The following MUSK variants were observed in gnomAD, a reference collection of about 807,000 sequenced individuals.
The protein encoded by MUSK is muscle, skeletal receptor tyrosine-protein kinase.
In MUSK, 55 loss-of-function variants were observed where a neutral mutation model predicts 88.7. That is an observed-to-expected ratio of 0.62 (90% CI 0.50 to 0.78). MUSK has a LOEUF of 0.78. Ranked by LOEUF, MUSK falls within the 30% of genes least tolerant of loss-of-function variation. MUSK has a pLI of 0.00. For missense variants in MUSK, 1,015 were observed against 1,074.3 expected, an observed-to-expected ratio of 0.94 and a Z score of 0.77; for synonymous variants, 387 against 391.9, an observed-to-expected ratio of 0.99 and a Z score of 0.15.
intron 1 of MUSK, among the ~76,000 whole-genome samples, chr9:110,680,719 TG>T (rs1428251069): frequency 6.6e-6 from 1 of 151,410 alleles, no homozygotes; most frequent in Non-Finnish European, 1.5e-5. Context: ...TGTCATTTGG[TG>T]GGTACTTTCG....
chr9:110,785,785 T>A, intron 13 of MUSK, 67 bp downstream of exon 13: 1 of 1,106,762 alleles, frequency 9.0e-7, no homozygotes. Context: ...ACCAAACTAT[T>A]AGCTTGGTAT....
In MUSK at chr9:110,800,712, C is replaced by T. The variant is rs1209023952; in HGVS notation, c.2334C>T (p.Arg778=). The T allele has an allele frequency of 6.2e-7, 1 of 1,613,914 alleles. No homozygotes were observed. Among genetic ancestry groups the T allele is most frequent in the African/African-American group, 1.3e-5 (1 of 74,930 alleles). Residue 778 remains arginine (R), a synonymous_variant, in exon 15 of 15, where the codon CGC becomes CGT. Transcript: ENST00000374448. ...WMPPESIFYN[R]YTTESDVWAY... ...CACCAGAGTCCATTTTTTATAACCGCTACACTACAGAGTCTGATGTGTGGG... is the reference window on the plus strand; with the variant it reads ...CACCAGAGTCCATTTTTTATAACCGTTACACTACAGAGTCTGATGTGTGGG...
chr9:110,797,735 G>A (rs954713487), intron 14 of MUSK, among the ~76,000 whole-genome samples: 5 of 152,038 alleles, frequency 3.3e-5, no homozygotes, highest in African/African-American at 1.2e-4. Flanking sequence ...ACAAAAATCT[G>A]AATCTGGCTT....
intron 14 of MUSK, among the ~76,000 whole-genome samples, chr9:110,788,310 A>C (rs751268750): frequency 2.0e-5 from 3 of 152,200 alleles, no homozygotes; most frequent in Non-Finnish European, 4.4e-5. Flanking sequence ...TGTATTAATT[A>C]CACAGCAATT....
chr9:110,781,540 T>G (rs1432364154), intron 11 of MUSK, among the ~76,000 whole-genome samples: 1 of 152,196 alleles, frequency 6.6e-6, no homozygotes, highest in African/African-American at 2.4e-5. Flanking sequence ...CCTCCCAAAG[T>G]GCTGGGATTA....
At chr9:110,738,256 T>C (rs2077053319) in intron 6 of MUSK, among the ~76,000 whole-genome samples, 1 of 150,790 alleles carries the variant, frequency 6.6e-6, no homozygotes, top group South Asian at 2.1e-4. Context: ...TTCTTAATTT[T>C]GTATTTATCT....
In MUSK at chr9:110,788,259, C is replaced by A. The variant is rs374982943; in HGVS notation, c.1927+421C>A. On this transcript the variant is annotated intron_variant, in intron 14 of 14. Coordinates refer to ENST00000374448, the MANE Select transcript of MUSK (RefSeq NM_005592.4). The stretch of plus-strand genomic sequence containing the variant: ...TCATTGTTGAGTTCCAGTTTATTCC[C>A]AGATTCATAAATTCAACACAAATTT... 1.3e-4 allele frequency among the ~76,000 whole-genome samples: 20 copies of A among 152,150 alleles called. No individual in the cohort carries two copies. In the East Asian group the frequency reaches 3.9e-3, roughly 29 times the overall value.
chr9:110,759,771 A>G (rs1386884843), intron 7 of MUSK, among the ~76,000 whole-genome samples: 1 of 152,250 alleles, frequency 6.6e-6, no homozygotes, highest in Admixed American at 6.5e-5. Flanking sequence ...CCACAATGAG[A>G]TACCATGTCA....
intron 5 of MUSK, among the ~76,000 whole-genome samples, chr9:110,726,713 A>G (rs1216846886): frequency 6.6e-6 from 1 of 152,102 alleles, no homozygotes; most frequent in Non-Finnish European, 1.5e-5. Context: ...CTTGGCTGAT[A>G]AAGGAAATAG....
At chr9:110,701,251 G>A (rs908751072) in intron 5 of MUSK, among the ~76,000 whole-genome samples, 68 of 152,266 alleles carry the variant, frequency 4.5e-4, no homozygotes, top group African/African-American at 1.6e-3. Context: ...AATCCACATG[G>A]TTGCAGGGTT....
At chr9:110,670,675 C>A (rs998219119) in intron 1 of MUSK, among the ~76,000 whole-genome samples, 3 of 152,082 alleles carry the variant, frequency 2.0e-5, no homozygotes, top group Non-Finnish European at 4.4e-5. Flanking sequence ...AATAAACTAA[C>A]CAGATCATTC....
intron 1 of MUSK, among the ~76,000 whole-genome samples, chr9:110,681,428 C>T (rs1257711763): frequency 1.3e-5 from 2 of 151,444 alleles, no homozygotes; most frequent in African/African-American, 2.4e-5. Flanking sequence ...AAAACATGAT[C>T]CCTGACCTAA....
chr9:110,728,838 T>C (rs759246179), intron 5 of MUSK: 43 of 707,406 alleles, frequency 6.1e-5, no homozygotes, highest in Non-Finnish European at 9.1e-5. Context: ...AAACAATGTA[T>C]GGGGAATATT....
At chr9:110,723,230 T>TACACACACACACACACAC (rs1391888387) in intron 5 of MUSK, among the ~76,000 whole-genome samples, 1 of 56,946 alleles carries the variant, frequency 1.8e-5, no homozygotes, top group Non-Finnish European at 3.9e-5. Flanking sequence ...CTACTACATA[T>TACACACACACACACACAC]ACATACACAC....
At chr9:110,689,938 A>ATATATATTTAAATATAAATATATATT (rs1397675530) in intron 3 of MUSK, among the ~76,000 whole-genome samples, 1,044 of 93,308 alleles carry the variant, frequency 0.011, 81 homozygotes, top group African/African-American at 0.05. Flanking sequence ...TAATATATAA[A>ATATATATTTAAATATAAATATATATT]TATATATTTA....
At chr9:110,720,496 G>T (rs1310792445) in intron 5 of MUSK, among the ~76,000 whole-genome samples, 1 of 151,952 alleles carries the variant, frequency 6.6e-6, no homozygotes, top group Non-Finnish European at 1.5e-5. Flanking sequence ...ACCTAGAGGA[G>T]ATGGATAAAC....
intron 7 of MUSK, among the ~76,000 whole-genome samples, chr9:110,759,618 T>TA (rs2077371310): frequency 6.6e-6 from 1 of 151,850 alleles, no homozygotes; most frequent in African/African-American, 2.4e-5. Flanking sequence ...AAATTATACA[T>TA]ACAAGGAAAA....
intron 7 of MUSK, among the ~76,000 whole-genome samples, chr9:110,754,064 G>A (rs901141911): frequency 6.6e-6 from 1 of 152,186 alleles, no homozygotes; most frequent in African/African-American, 2.4e-5. Context: ...GGTAAAGAGT[G>A]TTCTTATCAA....
chr9:110,787,722 C>G lies in MUSK; in HGVS notation c.1811C>G (p.Thr604Ser). 6.2e-7 allele frequency: 1 copy of G among 1,613,926 alleles called. No homozygotes were observed. Among genetic ancestry groups the G allele is most frequent in the Non-Finnish European group, 8.5e-7 (1 of 1,179,852 alleles). Residue 604 changes from threonine to serine, a missense_variant, in exon 14 of 15, where the codon ACT (threonine) becomes AGT (serine). Physicochemically the swap from Thr to Ser is moderately conservative, Grantham distance 58. Coordinates refer to ENST00000374448, the MANE Select transcript of MUSK (RefSeq NM_005592.4). ...GGCTTACTTCCCTATGAACCTTTCA[C>G]TATGGTGGCAGTAAAGATGCTCAAA... Reference protein sequence around the residue: ...APGLLPYEPFTMVAVKMLKEE... With the variant: ...APGLLPYEPFSMVAVKMLKEE...
Sources: gnomAD v4.1 joint callset for allele counts (sites outside exome capture counted in the v4.1 genomes callset) on GRCh38, gnomAD v4.1.1 for gene constraint, MANE v1.5 for transcripts, NCBI Gene and HGNC (gene_info 2026-07-23, HGNC 2026-07-21) for gene names.